Variants in CWC27 observed in about 807,000 individuals in gnomAD.
The protein encoded by CWC27 is CWC27 spliceosome associated cyclophilin, also known as spliceosome-associated protein CWC27 homolog.
A neutral mutation model predicts 63.6 loss-of-function variants in CWC27; 47 were observed. That is an observed-to-expected ratio of 0.74 (90% CI 0.58 to 0.94). CWC27 has a LOEUF of 0.94. CWC27 is among the 40% of genes least tolerant of loss of function. The pLI is 0.00. For synonymous variants in CWC27, 175 were observed against 179.8 expected (o/e 0.97, Z 0.22); for missense variants, 495 against 554.3 (o/e 0.89, Z 1.07).
chr5:64,953,761 T>C (rs1488065202), intron 11 of CWC27, among the ~76,000 whole-genome samples: 1 of 152,220 alleles, frequency 6.6e-6, no homozygotes. Flanking sequence ...ATTTAACAAG[T>C]TGCCTTGATG....
At chr5:64,842,513 A>T (rs1477440872) in intron 10 of CWC27, among the ~76,000 whole-genome samples, 2 of 152,122 alleles carry the variant, frequency 1.3e-5, no homozygotes. Flanking sequence ...CATGTTAGCC[A>T]GGATGGTCTC....
At chr5:64,957,488 G>A (rs998179577) in intron 11 of CWC27, among the ~76,000 whole-genome samples, 3 of 152,132 alleles carry the variant, frequency 2.0e-5, no homozygotes, top group Non-Finnish European at 2.9e-5. Context: ...AGAGGTTTGC[G>A]TGAGGGAGAA....
intron 11 of CWC27, among the ~76,000 whole-genome samples, chr5:64,897,893 A>G (rs1455526899): frequency 6.6e-6 from 1 of 152,224 alleles, no homozygotes; most frequent in Admixed American, 6.5e-5. Flanking sequence ...CTCAAAATCT[A>G]TGAAGCAAAA....
chr5:64,945,809 C>G (rs573091808), intron 11 of CWC27, among the ~76,000 whole-genome samples: 1 of 152,200 alleles, frequency 6.6e-6, no homozygotes, highest in East Asian at 1.9e-4. Flanking sequence ...AGCTTAGAGA[C>G]GAAACCTACC....
intron 13 of CWC27, among the ~76,000 whole-genome samples, chr5:64,978,332 A>G (rs1174669857): frequency 2.0e-5 from 3 of 149,342 alleles, no homozygotes; most frequent in Non-Finnish European, 3.0e-5. Flanking sequence ...GCACTTGTCT[A>G]TTTCTCAATT....
chr5:64,783,050 A>G (rs750074096), intron 3 of CWC27, among the ~76,000 whole-genome samples: 7 of 152,134 alleles, frequency 4.6e-5, no homozygotes, highest in Non-Finnish European at 8.8e-5. Flanking sequence ...ACATTTTTCA[A>G]TTAGGTCATT....
chr5:64,901,246 A>C (rs10063528), intron 11 of CWC27, among the ~76,000 whole-genome samples: 140,130 of 151,998 alleles, frequency 0.92, 64,618 homozygotes, highest in East Asian at 0.99. Context: ...AAAATACGGT[A>C]TAAAAGAGAT....
intron 4 of CWC27, 38 bp downstream of exon 4, chr5:64,784,017 T>G: frequency 1.3e-6 from 2 of 1,522,592 alleles, no homozygotes; most frequent in Non-Finnish European, 1.8e-6. Context: ...GGTTCAGTTT[T>G]TGGTTTTATG....
Position 64,776,068 on chromosome 5 carries a change from C to CGAGAGAGAGAGAGAGAGA in CWC27, c.139+1318_139+1335dup, listed in dbSNP as rs70983650. Among the ~76,000 whole-genome samples the CGAGAGAGAGAGAGAGAGA allele has an allele frequency of 3.8e-4, 41 of 108,632 alleles. 1 individual carries two copies. The highest frequency in any genetic ancestry group is 1.4e-3 in the African/African-American group (37 of 26,614). The allele number at this position is 108,632 out of a possible 152,430, so 71.3% of individuals were successfully genotyped here. On this transcript the variant is annotated intron_variant, in intron 2 of 13. Coordinates refer to ENST00000381070, the MANE Select transcript of CWC27 (RefSeq NM_005869.4). ...AAGAGAGAGGTGGGGAGGAGTGGAG[C>CGAGAGAGAGAGAGAGAGA]GAGAGAGAGAGAGAGAGAGAGAGAG...
At position 64,972,033 on chromosome 5, in the gene CWC27, G is replaced by T. The variant is rs554075205; in HGVS notation, c.1152+221G>T. ...TGGTGAAAAAGCCTGGAACTTCCACGTTTCAACCTGGTACTCCCATAGTAA... is the reference window on the plus strand; with the variant it reads ...TGGTGAAAAAGCCTGGAACTTCCACTTTTCAACCTGGTACTCCCATAGTAA... On this transcript the variant is annotated intron_variant, in intron 12 of 13. Transcript: ENST00000381070. 2.6e-5 allele frequency among the ~76,000 whole-genome samples: 4 copies of T among 152,246 alleles called. No individual in the cohort carries two copies. The South Asian group carries it at 6.2e-4, about 24-fold the overall frequency.
intron 10 of CWC27, among the ~76,000 whole-genome samples, chr5:64,870,274 T>C (rs1746637060): frequency 6.6e-6 from 1 of 152,122 alleles, no homozygotes; most frequent in Admixed American, 6.6e-5. Context: ...GCTGTCATTG[T>C]AGTTATAGAT....
At chr5:64,780,699 GCACA>G (rs143721735) in intron 2 of CWC27, among the ~76,000 whole-genome samples, 1 of 148,154 alleles carries the variant, frequency 6.7e-6, no homozygotes, top group African/African-American at 2.5e-5. Context: ...GCACACGCGC[GCACA>G]CACACACACA....
intron 13 of CWC27, among the ~76,000 whole-genome samples, chr5:65,005,796 A>T (rs1214032900): frequency 6.6e-6 from 1 of 152,240 alleles, no homozygotes; most frequent in Non-Finnish European, 1.5e-5. Flanking sequence ...AAAATTAAAT[A>T]TTCATAAGGC....
intron 2 of CWC27, among the ~76,000 whole-genome samples, chr5:64,776,345 A>G (rs10434542): frequency 0.52 from 79,226 of 151,814 alleles, 21,356 homozygotes; most frequent in East Asian, 0.85. Context: ...AACATTAGAA[A>G]GAATGAATGG....
In CWC27 at chr5:64,806,429, G is replaced by A. The variant is rs557199222; in HGVS notation, c.938+2043G>A. ...TCTTTTAGGTAAAATAATTGGCAAA[G>A]TGTGCCTTTGTAAATGGTGCAGACA... is the stretch of plus-strand genomic sequence containing the variant. On this transcript the variant is annotated intron_variant, in intron 10 of 13. Transcript: ENST00000381070. 3.9e-5 allele frequency among the ~76,000 whole-genome samples: 6 copies of A among 152,274 alleles called. No individual in the cohort carries two copies. In the East Asian group the frequency reaches 1.2e-3, roughly 29 times the overall value.
chr5:64,820,265 C>T (rs775778728), intron 10 of CWC27, among the ~76,000 whole-genome samples: 3 of 152,292 alleles, frequency 2.0e-5, no homozygotes, highest in South Asian at 4.1e-4. Context: ...CCAAAGGGCA[C>T]ACTTCATCTG....
chr5:64,883,700 A>C (rs1338799039), intron 10 of CWC27, among the ~76,000 whole-genome samples: 2 of 152,332 alleles, frequency 1.3e-5, no homozygotes, highest in East Asian at 3.9e-4. Flanking sequence ...AGACTGTAAG[A>C]GGGATAGATT....
At chr5:64,788,277 T>C (rs1350148009) in intron 6 of CWC27, among the ~76,000 whole-genome samples, 1 of 151,970 alleles carries the variant, frequency 6.6e-6, no homozygotes, top group Non-Finnish European at 1.5e-5. Context: ...AGCAAATATA[T>C]TGGGGATGAT....
At chr5:64,992,240 A>T (rs546431726) in intron 13 of CWC27, among the ~76,000 whole-genome samples, 24 of 152,338 alleles carry the variant, frequency 1.6e-4, no homozygotes, top group African/African-American at 5.5e-4. Context: ...GATAATTAGC[A>T]CTATTTCCAT....
Sources: allele counts gnomAD v4.1 joint callset (sites outside exome capture counted in the v4.1 genomes callset), GRCh38; gene constraint gnomAD v4.1.1; transcripts MANE v1.5; gene names NCBI Gene and HGNC (gene_info 2026-07-23, HGNC 2026-07-21).